Variants in BAZ2B observed in about 807,000 individuals in gnomAD.
The protein encoded by BAZ2B is bromodomain adjacent to zinc finger domain 2B, also known as bromodomain adjacent to zinc finger domain protein 2B.
Under a neutral mutation model 246.0 loss-of-function variants are expected in BAZ2B, and 91 were observed. The observed-to-expected ratio is 0.37, with a 90% CI of 0.31 to 0.44. The LOEUF (loss-of-function observed/expected upper bound fraction) is 0.44. BAZ2B is among the 20% of genes least tolerant of loss of function. BAZ2B has a pLI of 1.00. For missense variants in BAZ2B, 2,332 were observed against 2,533.7 expected (o/e 0.92, Z 1.71); for synonymous variants, 855 against 860.0 (o/e 0.99, Z 0.10).
the BAZ2B span, among the ~76,000 whole-genome samples, chr2:159,653,490 C>T: frequency 2.6e-5 from 4 of 151,988 alleles, no homozygotes; most frequent in East Asian, 3.9e-4. Context: ...TGGAAAGAAT[C>T]GTATAGTATA....
At chr2:159,317,464 C>T (rs938423103), downstream of BAZ2B, among the ~76,000 whole-genome samples, 3 of 152,196 alleles carry the variant, frequency 2.0e-5, no homozygotes, top group Non-Finnish European at 4.4e-5. Flanking sequence ...CACATCTTCA[C>T]CTGTTTAATT....
chr2:159,597,226 A>G (rs1360769895), intron 1 of BAZ2B, among the ~76,000 whole-genome samples: 1 of 152,084 alleles, frequency 6.6e-6, no homozygotes, highest in Non-Finnish European at 1.5e-5. Flanking sequence ...TCCTTAGCCC[A>G]CTTTTTGATG....
chr2:159,523,477 G>A (rs945666209), intron 2 of BAZ2B, among the ~76,000 whole-genome samples: 10 of 151,968 alleles, frequency 6.6e-5, no homozygotes, highest in East Asian at 1.9e-4. Context: ...AGGTCGAGGC[G>A]GGCGGATCAC....
intron 3 of BAZ2B, among the ~76,000 whole-genome samples, chr2:159,474,918 G>C (rs554139265): frequency 3.3e-5 from 5 of 152,286 alleles, no homozygotes; most frequent in African/African-American, 1.2e-4. Flanking sequence ...TTTCTGCAGA[G>C]AGATCTACTG....
chr2:159,545,261 A>AT (rs1327421713), intron 2 of BAZ2B, among the ~76,000 whole-genome samples: 1 of 152,030 alleles, frequency 6.6e-6, no homozygotes, highest in Non-Finnish European at 1.5e-5. Flanking sequence ...AAAAAACTAC[A>AT]TTTTTGCAAT....
At chr2:159,334,029 T>C (rs1397884149) in intron 33 of BAZ2B, among the ~76,000 whole-genome samples, 1 of 152,122 alleles carries the variant, frequency 6.6e-6, no homozygotes, top group African/African-American at 2.4e-5. Flanking sequence ...AAAACTTCTA[T>C]TGTAAAAGTA....
At chr2:159,688,541 A>G in the BAZ2B span, among the ~76,000 whole-genome samples, 1 of 152,226 alleles carries the variant, frequency 6.6e-6, no homozygotes, top group African/African-American at 2.4e-5. Flanking sequence ...TTAATACAAT[A>G]CTATCCAATA....
chr2:159,702,614 C>T, the BAZ2B span, among the ~76,000 whole-genome samples: 3 of 152,020 alleles, frequency 2.0e-5, no homozygotes, highest in African/African-American at 7.3e-5. Flanking sequence ...AAAGTGAAGC[C>T]TAATGCAAAA....
chr2:159,573,861 A>G (rs1159505583), intron 1 of BAZ2B, among the ~76,000 whole-genome samples: 3 of 152,196 alleles, frequency 2.0e-5, no homozygotes, highest in Non-Finnish European at 4.4e-5. Flanking sequence ...GCACTTTGGG[A>G]GGACAAGGTA....
intron 1 of BAZ2B, among the ~76,000 whole-genome samples, chr2:159,605,836 A>C (rs1042133158): frequency 4.6e-5 from 7 of 152,208 alleles, no homozygotes; most frequent in African/African-American, 1.7e-4. Context: ...CACAGTACAA[A>C]AACATTTTCA....
At chr2:159,521,876 G>C (rs569729623) in intron 2 of BAZ2B, among the ~76,000 whole-genome samples, 2 of 152,058 alleles carry the variant, frequency 1.3e-5, no homozygotes, top group East Asian at 1.9e-4. Context: ...TAAATTCTAT[G>C]TGAAAACTTT....
At chr2:159,383,126 T>G (rs2149511545) in intron 24 of BAZ2B, among the ~76,000 whole-genome samples, 1 of 152,246 alleles carries the variant, frequency 6.6e-6, no homozygotes, top group Middle Eastern at 3.4e-3. Flanking sequence ...TAAATTTCAA[T>G]TCAAATTACT....
At chr2:159,404,659 A>C (rs1272428646) in intron 16 of BAZ2B, 190 bp downstream of exon 16, 1 of 518,532 alleles carries the variant, frequency 1.9e-6, no homozygotes, top group Non-Finnish European at 3.3e-6. Flanking sequence ...CATTTCTTTA[A>C]ACACTTGGAA....
At chr2:159,666,733 T>C in the BAZ2B span, among the ~76,000 whole-genome samples, 1 of 152,122 alleles carries the variant, frequency 6.6e-6, no homozygotes, top group South Asian at 2.1e-4. Context: ...CACATGCCTA[T>C]AATCCCAGCT....
At chr2:159,385,955 G>A (rs766576890) in intron 22 of BAZ2B, among the ~76,000 whole-genome samples, 9 of 152,136 alleles carry the variant, frequency 5.9e-5, no homozygotes, top group Non-Finnish European at 1.2e-4. Context: ...GGGTCTTAAC[G>A]TGCTGGTCTG....
intron 3 of BAZ2B, among the ~76,000 whole-genome samples, chr2:159,468,490 C>T (rs966473796): frequency 6.6e-6 from 1 of 152,166 alleles, no homozygotes; most frequent in Non-Finnish European, 1.5e-5. Context: ...CAAATATTAT[C>T]AGTACATTTT....
chr2:159,690,478 C>T, the BAZ2B span, among the ~76,000 whole-genome samples: 3 of 152,052 alleles, frequency 2.0e-5, no homozygotes, highest in African/African-American at 7.2e-5. Context: ...TGGGGTTTCC[C>T]TTACCACTCT....
At chr2:159,544,312 T>C (rs972126608) in intron 2 of BAZ2B, among the ~76,000 whole-genome samples, 1 of 152,212 alleles carries the variant, frequency 6.6e-6, no homozygotes, top group Non-Finnish European at 1.5e-5. Flanking sequence ...TTTAGATTAG[T>C]ACCTGGCGCA....
intron 2 of BAZ2B, among the ~76,000 whole-genome samples, chr2:159,508,643 A>C (rs1399951208): frequency 6.6e-6 from 1 of 152,148 alleles, no homozygotes; most frequent in African/African-American, 2.4e-5. Context: ...TATCCATGTC[A>C]GTTTCTTCAA....
Sources: allele counts gnomAD v4.1 joint callset (sites outside exome capture counted in the v4.1 genomes callset), GRCh38; gene constraint gnomAD v4.1.1; transcripts MANE v1.5; gene names NCBI Gene and HGNC (gene_info 2026-07-23, HGNC 2026-07-21).